The following TRPV4 variants were observed in gnomAD, a reference collection of about 807,000 sequenced individuals.
TRPV4 encodes transient receptor potential cation channel subfamily V member 4, also known as OSM9-like transient receptor potential channel 4.
In TRPV4, 58 loss-of-function variants were observed where a neutral mutation model predicts 84.1. That is an observed-to-expected ratio of 0.69 (90% CI 0.56 to 0.86). The LOEUF is 0.86. TRPV4 is among the 40% of genes least tolerant of loss of function. TRPV4 has a pLI of 0.00. For missense variants in TRPV4, 879 were observed against 1,181.1 expected, an observed-to-expected ratio of 0.74 and a Z score of 3.75; for synonymous variants, 489 against 500.9, an observed-to-expected ratio of 0.98 and a Z score of 0.32.
At position 109,796,607 on chromosome 12, in the gene TRPV4, G is replaced by T; in HGVS notation, c.1250C>A (p.Ser417Ter). The stretch of plus-strand genomic sequence containing the variant: ...GTCCAGGGAGGAGAGGTCATAAAGC[G>T]AGGAATACACTGGCCCATAGGCCCA... ...KDWAYGPVYS[S>*]LYDLSSLDTC... The change falls in exon 7 of 16, where the codon TCG (serine) becomes TAG (stop). Residue 417 changes from serine (S) to a stop codon, truncating the protein, a stop_gained. Transcript: ENST00000261740. LOFTEE classifies it high-confidence loss of function. The surrounding 1 kb of genome is among the most constrained non-coding windows in gnomAD (Gnocchi z 4.2). 6.2e-7 allele frequency: 1 copy of T among 1,614,186 alleles called. No individual in the cohort carries two copies. Among genetic ancestry groups the T allele is most frequent in the Non-Finnish European group, 8.5e-7 (1 of 1,180,038 alleles).
At chr12:109,802,092 A>G (rs1246650618) in intron 4 of TRPV4, among the ~76,000 whole-genome samples, 6 of 151,190 alleles carry the variant, frequency 4.0e-5, no homozygotes, top group Non-Finnish European at 8.8e-5. Flanking sequence ...TCCCGAGTTC[A>G]TGATCACTAG....
intron 2 of TRPV4, among the ~76,000 whole-genome samples, chr12:109,812,019 T>A (rs1480656395): frequency 6.6e-6 from 1 of 152,114 alleles, no homozygotes; most frequent in Non-Finnish European, 1.5e-5. Flanking sequence ...CCCTGCTCCC[T>A]CCTCCAAACT....
intron 3 of TRPV4, among the ~76,000 whole-genome samples, chr12:109,806,247 T>G (rs1274296719): frequency 6.6e-6 from 1 of 151,650 alleles, no homozygotes; most frequent in African/African-American, 2.4e-5. Context: ...CAGGCTGGAG[T>G]GCAGTGGTGC....
rs766176063 is a variant in TRPV4 at position 109,794,504 on chromosome 12, G to T, written c.1333-17C>A. The T allele has an allele frequency of 1.2e-5, 20 of 1,613,486 alleles. No individual in the cohort carries two copies. In the Admixed American group the frequency reaches 2.0e-4, roughly 16 times the overall value. On this transcript the variant is annotated splice_polypyrimidine_tract_variant and intron_variant, in intron 7 of 15. Transcript: ENST00000261740. The stretch of plus-strand genomic sequence containing the variant: ...GTGGCGGTTCTAAGAGAGGCAGGGT[G>T]GTCGGGGGCTGCCTTCCTGAGATGG...
At chr12:109,826,032 T>A (rs896764048) in intron 1 of TRPV4, among the ~76,000 whole-genome samples, 1 of 152,178 alleles carries the variant, frequency 6.6e-6, no homozygotes, top group African/African-American at 2.4e-5. Flanking sequence ...ATTTGGTTGT[T>A]TTTTGTTTTG....
At chr12:109,827,430 C>G (rs575612572) in intron 1 of TRPV4, among the ~76,000 whole-genome samples, 1 of 152,138 alleles carries the variant, frequency 6.6e-6, no homozygotes, top group African/African-American at 2.4e-5. Flanking sequence ...TCCTGAGCCC[C>G]TCCTGTGTGC....
chr12:109,794,038 G>A lies in TRPV4; in HGVS notation c.1492-16C>T. ...GGTACGGCGGCTGGGGAGCAGCAAG[G>A]GCACACAGGTCGTCACCCAGCCCCT... On this transcript the variant is annotated splice_polypyrimidine_tract_variant and intron_variant, in intron 8 of 15. Transcript: ENST00000261740. 9 of 1,592,072 alleles carry A rather than the reference G, an allele frequency of 5.7e-6. No homozygotes were observed. Among genetic ancestry groups the A allele is most frequent in the Non-Finnish European group, 7.7e-6 (9 of 1,170,324 alleles).
intron 12 of TRPV4, among the ~76,000 whole-genome samples, chr12:109,789,410 C>T (rs780018262): frequency 1.3e-5 from 2 of 152,104 alleles, no homozygotes; most frequent in African/African-American, 2.4e-5. Context: ...TGCCCCTATT[C>T]GCAGGGGTAG....
At chr12:109,797,171 A>G (rs1404172940) in intron 6 of TRPV4, among the ~76,000 whole-genome samples, 1 of 152,070 alleles carries the variant, frequency 6.6e-6, no homozygotes, top group East Asian at 1.9e-4. Context: ...TTTTGTTTTG[A>G]GACAGAGTCT....
At chr12:109,806,990 C>T (rs2136596275) in intron 3 of TRPV4, among the ~76,000 whole-genome samples, 1 of 151,538 alleles carries the variant, frequency 6.6e-6, no homozygotes, top group South Asian at 2.1e-4. Context: ...AAAATGTCCT[C>T]TTCTGGCTGG....
At chr12:109,785,150 T>A (rs921652359) in intron 14 of TRPV4, among the ~76,000 whole-genome samples, 1 of 152,066 alleles carries the variant, frequency 6.6e-6, no homozygotes, top group Non-Finnish European at 1.5e-5. Flanking sequence ...GCCCCCCATG[T>A]AGCTGGGATT....
chr12:109,808,295 C>T lies in TRPV4; in HGVS notation c.559+1G>A. 6.2e-7 allele frequency: 1 copy of T among 1,614,082 alleles called. No homozygotes were observed. The highest frequency in any genetic ancestry group is 8.5e-7 in the Non-Finnish European group (1 of 1,180,006). On this transcript the variant is annotated splice_donor_variant, in intron 3 of 15. Coordinates refer to ENST00000261740, the MANE Select transcript of TRPV4 (RefSeq NM_021625.5). LOFTEE classifies it high-confidence loss of function. ...TGGCTATGCCCATCTGGGTGGCTCA[C>T]CTCGAAACTCCTCATCAGTTAGGCG...
chr12:109,824,123 G>A (rs779077986), intron 1 of TRPV4, among the ~76,000 whole-genome samples: 5 of 152,026 alleles, frequency 3.3e-5, no homozygotes, highest in Middle Eastern at 3.4e-3. Context: ...CCACCGCTGC[G>A]CCAGCTAATT....
intron 2 of TRPV4, among the ~76,000 whole-genome samples, chr12:109,813,839 TGATGGATGAATGGATG>T (rs1300310710): frequency 6.6e-6 from 1 of 151,140 alleles, no homozygotes; most frequent in Non-Finnish European, 1.5e-5. Flanking sequence ...GATGGAAGGA[TGATGGATGAATGGATG>T]GATGGATGAT....
At chr12:109,830,574 G>C (rs753438771) in intron 1 of TRPV4, among the ~76,000 whole-genome samples, 19 of 152,298 alleles carry the variant, frequency 1.2e-4, no homozygotes, top group Non-Finnish European at 2.4e-4. Flanking sequence ...GAGCATTCCA[G>C]AGGGCCCACT....
intron 1 of TRPV4, among the ~76,000 whole-genome samples, chr12:109,829,975 T>C: frequency 6.6e-6 from 1 of 152,174 alleles, no homozygotes; most frequent in South Asian, 2.1e-4. Flanking sequence ...GCTACCACGT[T>C]CGGCTAATTT....
At position 109,804,827 on chromosome 12, in the gene TRPV4, C is replaced by A. The variant is rs552460979; in HGVS notation, c.560-1684G>T. Among the ~76,000 whole-genome samples the A allele has an allele frequency of 2.0e-4, 31 of 152,338 alleles. 1 individual carries two copies. Among genetic ancestry groups the A allele is most frequent in the Middle Eastern group, 3.4e-3 (1 of 294 alleles). On this transcript the variant is annotated intron_variant, in intron 3 of 15. Coordinates refer to ENST00000261740, the MANE Select transcript of TRPV4 (RefSeq NM_021625.5). Reference sequence around the variant, plus strand: ...CCCTCATTTCCCCCAGCCTCTCTGGCCTTCCTTTATCCACTTTCCACATAG... The same window carrying A: ...CCCTCATTTCCCCCAGCCTCTCTGGACTTCCTTTATCCACTTTCCACATAG...
chr12:109,823,151 TA>T (rs373842764), intron 1 of TRPV4, among the ~76,000 whole-genome samples: 4 of 152,154 alleles, frequency 2.6e-5, no homozygotes, highest in African/African-American at 7.2e-5. Flanking sequence ...GCGGCAGCAG[TA>T]GGGGGGCATC....
chr12:109,794,605 C>A, intron 7 of TRPV4, 118 bp from the exon 8 acceptor site: 1 of 1,074,718 alleles, frequency 9.3e-7, no homozygotes. Context: ...TCTTTCCATC[C>A]ATTCCTCAGC....
Sources: gnomAD v4.1 joint callset for allele counts (sites outside exome capture counted in the v4.1 genomes callset) on GRCh38, gnomAD v4.1.1 for gene constraint, Gnocchi (gnomAD v3.1) non-coding constraint, MANE v1.5 for transcripts, NCBI Gene and HGNC (gene_info 2026-07-23, HGNC 2026-07-21) for gene names.